RBM20: variants seen among roughly 807,000 people sequenced by gnomAD.
The protein encoded by RBM20 is RNA binding motif protein 20, also known as RNA-binding protein 20.
Under a neutral mutation model 110.1 loss-of-function variants are expected in RBM20, and 51 were observed. That is an observed-to-expected ratio of 0.46 (90% confidence interval 0.37 to 0.59). The LOEUF is 0.59. RBM20 is among the 20% of genes least tolerant of loss of function. The probability of loss-of-function intolerance (pLI) is 0.00; values close to 1 mark genes in which losing one functional copy is unlikely to be tolerated. For missense variants in RBM20, 1,512 were observed against 1,574.9 expected (o/e 0.96, Z 0.68); for synonymous variants, 589 against 618.2 (o/e 0.95, Z 0.70).
intron 1 of RBM20, among the ~76,000 whole-genome samples, chr10:110,768,199 C>G (rs192913191): frequency 6.6e-6 from 1 of 151,984 alleles, no homozygotes; most frequent in South Asian, 2.1e-4. Context: ...AGCTTCAGCT[C>G]GGCATCAGAG....
chr10:110,736,583 A>T (rs997483345), intron 1 of RBM20, among the ~76,000 whole-genome samples: 2 of 152,210 alleles, frequency 1.3e-5, no homozygotes, highest in Non-Finnish European at 1.5e-5. Flanking sequence ...TGAGAGGGAC[A>T]TGGTGGTTGC....
At position 110,812,786 on chromosome 10, in the gene RBM20, C is replaced by A. The variant is rs1201692111; in HGVS notation, c.2389C>A (p.His797Asn). 1.9e-6 allele frequency: 3 copies of A among 1,551,398 alleles called. No individual in the cohort carries two copies. The African/African-American group carries it at 4.1e-5, about 21-fold the overall frequency. ...CAGGCTGCGGGAAAGCAGACACCCC[C>A]ATCCGGATGACTCAGGCAAGGAAGA... is the stretch of plus-strand genomic sequence containing the variant. ...EARLRESRHP[H>N]PDDSGKEDGL... Residue 797 changes from histidine to asparagine, a missense_variant, in exon 9 of 14, where the codon CAT becomes AAT. Coordinates refer to ENST00000369519, the MANE Select transcript of RBM20 (RefSeq NM_001134363.3).
chr10:110,699,424 A>AC (rs964395557), intron 1 of RBM20, among the ~76,000 whole-genome samples: 1 of 151,804 alleles, frequency 6.6e-6, no homozygotes, highest in Non-Finnish European at 1.5e-5. Flanking sequence ...GGCGCTGACC[A>AC]CCACGCCTGG....
Position 110,824,347 on chromosome 10 carries a change from A to AT in RBM20, c.3451+740dup, listed in dbSNP as rs1401011077. Reference sequence around the variant, plus strand: ...AGTCCTTCCCAGAACAATGCTACATATTTTTTTCTCTTTAAAGGACCAACT... The same window carrying AT: ...AGTCCTTCCCAGAACAATGCTACATATTTTTTTTCTCTTTAAAGGACCAACT... On this transcript the variant is annotated intron_variant, in intron 12 of 13. Transcript: ENST00000369519. 4.6e-5 allele frequency among the ~76,000 whole-genome samples: 7 copies of AT among 152,062 alleles called. No individual in the cohort carries two copies. The East Asian group carries it at 1.3e-3, about 29-fold the overall frequency.
intron 13 of RBM20, among the ~76,000 whole-genome samples, chr10:110,832,809 C>G (rs1031514804): frequency 6.6e-5 from 10 of 152,150 alleles, no homozygotes; most frequent in African/African-American, 2.4e-4. Context: ...CTCTGATTTC[C>G]CTCCGGAGAG....
chr10:110,665,372 C>T (rs1447538515), intron 1 of RBM20, among the ~76,000 whole-genome samples: 4 of 148,082 alleles, frequency 2.7e-5, no homozygotes, highest in Non-Finnish European at 4.5e-5. Flanking sequence ...ATCTTAATGT[C>T]TTGGCAGGCT....
At chr10:110,793,898 T>C (rs1002981779) in intron 5 of RBM20, among the ~76,000 whole-genome samples, 3 of 152,214 alleles carry the variant, frequency 2.0e-5, no homozygotes, top group African/African-American at 7.2e-5. Flanking sequence ...TAAAGAATAA[T>C]GTTTAGCCCC....
intron 12 of RBM20, among the ~76,000 whole-genome samples, chr10:110,825,097 A>T (rs1419853678): frequency 1.3e-5 from 2 of 152,010 alleles, no homozygotes; most frequent in Non-Finnish European, 2.9e-5. Flanking sequence ...AGACAAAAAC[A>T]TAAGAAAGAA....
chr10:110,644,406 C>T lies in RBM20; in HGVS notation c.-49C>T. 7.3e-7 allele frequency: 1 copy of T among 1,378,310 alleles called. No individual in the cohort carries two copies. Among genetic ancestry groups the T allele is most frequent in the Non-Finnish European group, 9.4e-7 (1 of 1,063,216 alleles). 85.4% of individuals were successfully genotyped at this position (1,378,310 alleles called of 1,614,324 possible). ...AGTGAGCGCCCGTGGCCCGGGACCG[C>T]CCCTCCCTTGAGCTCTCTCGCCGCG... On this transcript the variant is annotated 5_prime_UTR_variant, in exon 1 of 14. Transcript: ENST00000369519. The surrounding 1 kb of genome is among the most constrained non-coding windows in gnomAD (Gnocchi z 4.3).
intron 1 of RBM20, among the ~76,000 whole-genome samples, chr10:110,696,803 A>G (rs1862670270): frequency 6.6e-6 from 1 of 152,054 alleles, no homozygotes; most frequent in South Asian, 2.1e-4. Flanking sequence ...ACTCTGGGGG[A>G]CCTTTTTTGC....
Position 110,744,547 on chromosome 10 carries a change from A to G in RBM20, c.192-36254A>G, listed in dbSNP as rs1024115720. Among the ~76,000 whole-genome samples, 4 of 152,318 alleles carry G rather than the reference A, an allele frequency of 2.6e-5. No individual in the cohort carries two copies. The South Asian group carries it at 6.2e-4, about 24-fold the overall frequency. ...ACCTAGCAACTTGATGGAAACGCAG[A>G]TTCTCAAACCTTCCTCCAGACTTAC... On this transcript the variant is annotated intron_variant, in intron 1 of 13. Transcript: ENST00000369519.
intron 1 of RBM20, among the ~76,000 whole-genome samples, chr10:110,759,710 A>G (rs1843970843): frequency 6.6e-6 from 1 of 152,196 alleles, no homozygotes; most frequent in South Asian, 2.1e-4. Flanking sequence ...TGAGGTTGCC[A>G]ATGCTGGCTC....
chr10:110,735,141 G>T (rs935399657), intron 1 of RBM20, among the ~76,000 whole-genome samples: 1 of 152,168 alleles, frequency 6.6e-6, no homozygotes, highest in African/African-American at 2.4e-5. Flanking sequence ...AGTGATGCTG[G>T]TGATTCAGAT....
At chr10:110,681,217 T>C (rs1378224162) in intron 1 of RBM20, among the ~76,000 whole-genome samples, 2 of 152,220 alleles carry the variant, frequency 1.3e-5, no homozygotes, top group Non-Finnish European at 2.9e-5. Flanking sequence ...AGGGACACAC[T>C]GTCTCCCCCT....
At chr10:110,676,044 G>A (rs12772636) in intron 1 of RBM20, among the ~76,000 whole-genome samples, 86,804 of 152,136 alleles carry the variant, frequency 0.57, 27,478 homozygotes, top group Non-Finnish European at 0.69. Flanking sequence ...ATTAGCTAAC[G>A]GATAGTGGGC....
At chr10:110,735,390 A>G (rs1405746365) in intron 1 of RBM20, among the ~76,000 whole-genome samples, 2 of 152,202 alleles carry the variant, frequency 1.3e-5, no homozygotes, top group Non-Finnish European at 2.9e-5. Context: ...CTGTCTAGCC[A>G]CCATACTTAA....
intron 13 of RBM20, among the ~76,000 whole-genome samples, chr10:110,834,932 A>T (rs983700692): frequency 2.0e-5 from 3 of 152,214 alleles, no homozygotes; most frequent in African/African-American, 4.8e-5. Flanking sequence ...CATAGCAGTG[A>T]GTGTTCTGGG....
At chr10:110,766,463 G>C (rs1844085709) in intron 1 of RBM20, among the ~76,000 whole-genome samples, 1 of 152,014 alleles carries the variant, frequency 6.6e-6, no homozygotes, top group African/African-American at 2.4e-5. Context: ...CTAGGCAGAG[G>C]ACCCTGCGGC....
chr10:110,784,879 T>G lies in RBM20; in HGVS notation c.1517T>G (p.Val506Gly). Residue 506 changes from valine to glycine, a missense_variant, in exon 5 of 14, where the codon GTG (valine) becomes GGG (glycine). Physicochemically the swap from Val to Gly is moderately radical, Grantham distance 109. Coordinates refer to ENST00000369519, the MANE Select transcript of RBM20 (RefSeq NM_001134363.3). Reference sequence around the variant, plus strand: ...AGCCCCACATTTCCTTTGGCTTCTGTGGGGACAACTGTGAGTACGGAAACA... The same window carrying G: ...AGCCCCACATTTCCTTTGGCTTCTGGGGGGACAACTGTGAGTACGGAAACA... ...QSSPTFPLASVGTTFAQRKGA... is the reference protein window; with the variant it reads ...QSSPTFPLASGGTTFAQRKGA... 6.5e-7 allele frequency: 1 copy of G among 1,528,486 alleles called. No individual in the cohort carries two copies. Among genetic ancestry groups the G allele is most frequent in the Non-Finnish European group, 8.9e-7 (1 of 1,127,588 alleles). The allele number at this position is 1,528,486 out of a possible 1,614,324, so 94.7% of individuals were successfully genotyped here.
Sources: gnomAD v4.1 joint callset for allele counts (sites outside exome capture counted in the v4.1 genomes callset) on GRCh38, gnomAD v4.1.1 for gene constraint, Gnocchi (gnomAD v3.1) non-coding constraint, MANE v1.5 for transcripts, NCBI Gene and HGNC (gene_info 2026-07-23, HGNC 2026-07-21) for gene names.